Variants in DPP6 observed in about 807,000 individuals in gnomAD.
DPP6 encodes dipeptidyl peptidase like 6.
A neutral mutation model predicts 122.6 loss-of-function variants in DPP6; 69 were observed. That is an observed-to-expected ratio of 0.56 (90% confidence interval 0.46 to 0.69). The LOEUF (loss-of-function observed/expected upper bound fraction) is 0.69, where lower values mean the gene tolerates loss of function less well. Among genes scored for constraint, DPP6 ranks in the 30% least tolerant of loss-of-function variants. DPP6 has a pLI of 0.00. For missense variants in DPP6, 928 were observed against 1,116.9 expected (o/e 0.83, Z 2.41); for synonymous variants, 418 against 433.1 (o/e 0.97, Z 0.43).
intron 1 of DPP6, among the ~76,000 whole-genome samples, chr7:153,924,275 A>T (rs1800787002): frequency 6.6e-6 from 1 of 151,852 alleles, no homozygotes; most frequent in Non-Finnish European, 1.5e-5. Context: ...CGCTCAACTA[A>T]TTTTTTGTAT....
intron 3 of DPP6, among the ~76,000 whole-genome samples, chr7:154,480,835 C>G (rs775822846): frequency 3.5e-4 from 53 of 152,310 alleles, no homozygotes; most frequent in Non-Finnish European, 1.9e-4. Context: ...ACCCTATCCA[C>G]AACCTTTCTG....
At chr7:154,508,581 G>A (rs1305407949) in intron 3 of DPP6, among the ~76,000 whole-genome samples, 2 of 152,128 alleles carry the variant, frequency 1.3e-5, no homozygotes, top group African/African-American at 4.8e-5. Context: ...CAGAGAGCAG[G>A]GGAAATGTAG....
the DPP6 span, among the ~76,000 whole-genome samples, chr7:153,867,762 A>G: frequency 6.6e-6 from 1 of 152,256 alleles, no homozygotes; most frequent in East Asian, 1.9e-4. Context: ...GTTTTTGTCC[A>G]TTCAGTATGA....
At chr7:154,008,880 T>C (rs1253821780) in intron 1 of DPP6, among the ~76,000 whole-genome samples, 1 of 150,760 alleles carries the variant, frequency 6.6e-6, no homozygotes, top group East Asian at 2.0e-4. Context: ...TTAGCCAGGA[T>C]GGTCTCGATC....
chr7:154,148,654 G>T (rs1482853708), intron 1 of DPP6, among the ~76,000 whole-genome samples: 6 of 152,406 alleles, frequency 3.9e-5, no homozygotes, highest in South Asian at 2.1e-4. Flanking sequence ...CTACTAGAAG[G>T]CTTTAATTTT....
chr7:154,060,094 GGGGA>G (rs1801481236), intron 1 of DPP6, among the ~76,000 whole-genome samples: 1 of 145,478 alleles, frequency 6.9e-6, no homozygotes, highest in Non-Finnish European at 1.5e-5. Flanking sequence ...CATCGCAGGG[GGGGA>G]GGCAATCCTC....
Position 154,804,957 on chromosome 7 carries a change from C to T in DPP6, c.1540C>T (p.Leu514Phe), listed in dbSNP as rs1382294186. The change falls in exon 15 of 26, where the codon CTC becomes TTC. Residue 514 changes from leucine (L) to phenylalanine (F), a missense_variant. Physicochemically the swap from Leu to Phe is conservative, Grantham distance 22 (BLOSUM62 0). Transcript: ENST00000377770. ...STEDLPRRRQ[L>F]YSANTVGNFN... ...GGAGGACCTGCCTCGGAGACGACAA[C>T]TCTACAGGTAACTCCTGCTCCCCCT... is the stretch of plus-strand genomic sequence containing the variant. The T allele has an allele frequency of 1.3e-6, 2 of 1,599,130 alleles. No individual in the cohort carries two copies. Among genetic ancestry groups the T allele is most frequent in the Non-Finnish European group, 1.7e-6 (2 of 1,172,506 alleles).
chr7:153,944,664 GT>G (rs139824215), intron 1 of DPP6, among the ~76,000 whole-genome samples: 1,450 of 106,938 alleles, frequency 0.014, 13 homozygotes, highest in African/African-American at 0.047. Flanking sequence ...TTTTGTGTGG[GT>G]TTTTTTTTTT....
At chr7:154,848,877 G>GTGA (rs1368680030) in intron 16 of DPP6, among the ~76,000 whole-genome samples, 1 of 152,170 alleles carries the variant, frequency 6.6e-6, no homozygotes, top group Non-Finnish European at 1.5e-5. Flanking sequence ...CCTTCTGCAT[G>GTGA]TGAATAGCCA....
chr7:154,387,858 C>T (rs1242232671), intron 1 of DPP6, among the ~76,000 whole-genome samples: 1 of 152,196 alleles, frequency 6.6e-6, no homozygotes, highest in Admixed American at 6.5e-5. Context: ...ACTTTCTCTT[C>T]TGCTTATTTT....
At chr7:153,918,394 A>G (rs933101546) in intron 1 of DPP6, among the ~76,000 whole-genome samples, 9 of 151,566 alleles carry the variant, frequency 5.9e-5, no homozygotes, top group African/African-American at 1.7e-4. Context: ...CAGTTTGACT[A>G]TTTCTGCCAA....
At chr7:154,217,907 G>A (rs960879364) in intron 1 of DPP6, among the ~76,000 whole-genome samples, 13 of 152,198 alleles carry the variant, frequency 8.5e-5, no homozygotes, top group Admixed American at 5.2e-4. Context: ...GGACCAGAGC[G>A]CCTGTGGGCC....
chr7:154,158,090 C>A (rs1468727863), intron 1 of DPP6, among the ~76,000 whole-genome samples: 1 of 149,702 alleles, frequency 6.7e-6, no homozygotes, highest in Non-Finnish European at 1.5e-5. Context: ...ATTTCACCTT[C>A]CCCCATACTC....
intron 1 of DPP6, among the ~76,000 whole-genome samples, chr7:154,239,085 C>G (rs1461933238): frequency 6.6e-6 from 1 of 152,184 alleles, no homozygotes; most frequent in African/African-American, 2.4e-5. Flanking sequence ...ATTTTGCTAG[C>G]AAGCTCCACA....
At chr7:154,595,059 G>T (rs774726677) in intron 5 of DPP6, among the ~76,000 whole-genome samples, 2 of 151,982 alleles carry the variant, frequency 1.3e-5, no homozygotes, top group African/African-American at 2.4e-5. Context: ...AATGGTGATG[G>T]ATTTTAAAAT....
intron 1 of DPP6, among the ~76,000 whole-genome samples, chr7:154,111,483 C>T (rs550508244): frequency 9.0e-4 from 137 of 152,228 alleles, no homozygotes; most frequent in Admixed American, 2.2e-3. Flanking sequence ...GTCCTATCAC[C>T]GGTGTGGGTA....
At position 154,570,430 on chromosome 7, in the gene DPP6, A is replaced by G. The variant is rs1264543560; in HGVS notation, c.627+3514A>G. ...ACAGGGACAGGTCTTTTTATCTCCT[A>G]TCTGTCCCCACCTCAGAGGACCCAG... On this transcript the variant is annotated intron_variant, in intron 5 of 25. Coordinates refer to ENST00000377770, the MANE Select transcript of DPP6 (RefSeq NM_130797.4). Among the ~76,000 whole-genome samples the G allele has an allele frequency of 2.0e-5, 3 of 151,896 alleles. No individual in the cohort carries two copies. The East Asian group carries it at 5.8e-4, about 29-fold the overall frequency.
intron 1 of DPP6, among the ~76,000 whole-genome samples, chr7:154,229,653 C>T (rs979955592): frequency 2.0e-5 from 3 of 152,110 alleles, no homozygotes; most frequent in Admixed American, 2.0e-4. Flanking sequence ...TTTTGAGGGG[C>T]ATTTCTTCCA....
chr7:154,773,302 T>C (rs1389405925), intron 10 of DPP6, among the ~76,000 whole-genome samples: 1 of 152,178 alleles, frequency 6.6e-6, no homozygotes, highest in South Asian at 2.1e-4. Context: ...GTGCTCTGTA[T>C]TTAGAGCATT....
Sources: gnomAD v4.1 joint callset for allele counts (sites outside exome capture counted in the v4.1 genomes callset) on GRCh38, gnomAD v4.1.1 for gene constraint, MANE v1.5 for transcripts, NCBI Gene and HGNC (gene_info 2026-07-23, HGNC 2026-07-21) for gene names.